Variants in LRRIQ1 observed in about 807,000 individuals in gnomAD.
LRRIQ1 encodes leucine-rich repeat- and IQ domain-containing protein 1.
LRRIQ1 carries 210 observed loss-of-function variants against 211.9 expected under a neutral mutation model. That is an observed-to-expected ratio of 0.99 (90% CI 0.89 to 1.11). The LOEUF is 1.11. Ranked by LOEUF, LRRIQ1 falls within the 50% of genes most tolerant of loss-of-function variation. The pLI, the probability that LRRIQ1 is intolerant of heterozygous loss-of-function variation, is 0.00. For synonymous variants in LRRIQ1, 699 were observed against 650.1 expected, an observed-to-expected ratio of 1.08 and a Z score of -1.14; for missense variants, 2,136 against 1,939.5, an observed-to-expected ratio of 1.10 and a Z score of -1.90.
At chr12:85,257,796 A>G (rs1427409160) in intron 1 of LRRIQ1, among the ~76,000 whole-genome samples, 1 of 151,898 alleles carries the variant, frequency 6.6e-6, no homozygotes, top group African/African-American at 2.4e-5. Flanking sequence ...CCAAGAAAAA[A>G]GTGTGAAAAC....
intron 26 of LRRIQ1, among the ~76,000 whole-genome samples, chr12:85,243,825 G>A (rs906175622): frequency 2.0e-5 from 3 of 151,400 alleles, no homozygotes; most frequent in African/African-American, 7.3e-5. Flanking sequence ...ATTTTAAAGA[G>A]GGTCATTTTT....
chr12:85,049,144 C>T (rs1257202567), intron 6 of LRRIQ1, among the ~76,000 whole-genome samples: 1 of 152,042 alleles, frequency 6.6e-6, no homozygotes, highest in Non-Finnish European at 1.5e-5. Context: ...GGTTCTAGCC[C>T]ATATTTTGTA....
intron 21 of LRRIQ1, 40 bp from the exon 22 acceptor site, chr12:85,153,623 T>G (rs1890368044): frequency 7.9e-7 from 1 of 1,268,936 alleles, no homozygotes; most frequent in African/African-American, 1.5e-5. Context: ...CTGATATACT[T>G]GTGTTGATTC....
At chr12:85,178,912 T>TA (rs5799723) in intron 24 of LRRIQ1, among the ~76,000 whole-genome samples, 44,438 of 142,876 alleles carry the variant, frequency 0.31, 6,804 homozygotes, top group African/African-American at 0.37. Context: ...TCTCTGTCTT[T>TA]AAAAAAAAAA....
At chr12:85,043,630 G>A (rs1879172141) in intron 3 of LRRIQ1, among the ~76,000 whole-genome samples, 1 of 147,060 alleles carries the variant, frequency 6.8e-6, no homozygotes, top group South Asian at 2.1e-4. Flanking sequence ...GTGATTCTTT[G>A]GGAGAAACAT....
At chr12:85,141,998 AG>A (rs1676102729) in intron 19 of LRRIQ1, among the ~76,000 whole-genome samples, 1 of 151,062 alleles carries the variant, frequency 6.6e-6, no homozygotes, top group Non-Finnish European at 1.5e-5. Flanking sequence ...CTCTAGTAGG[AG>A]TCAGTTTTTG....
At chr12:85,142,166 TAA>T (rs1313599963) in intron 19 of LRRIQ1, among the ~76,000 whole-genome samples, 28 of 151,540 alleles carry the variant, frequency 1.8e-4, no homozygotes, top group Non-Finnish European at 4.4e-5. Flanking sequence ...AAGTCAGTAT[TAA>T]GTCTTAACTT....
chr12:85,086,935 C>CATTATTATTATTATTATTATT (rs202087547), intron 11 of LRRIQ1, among the ~76,000 whole-genome samples: 47 of 149,264 alleles, frequency 3.1e-4, no homozygotes, highest in African/African-American at 1.1e-3. Context: ...GATTGTTCTT[C>CATTATTATTATTATTATTATT]ATTATTATTA....
chr12:85,130,228 C>A (rs1474245844), intron 18 of LRRIQ1, among the ~76,000 whole-genome samples: 3 of 152,104 alleles, frequency 2.0e-5, no homozygotes, highest in Admixed American at 6.6e-5. Context: ...AGTGCATAGG[C>A]AAACCTGTTT....
chr12:85,055,933 C>A lies in LRRIQ1; in HGVS notation c.1140C>A (p.Ser380Arg), dbSNP rs754722038. 48 of 1,604,256 alleles carry A rather than the reference C, an allele frequency of 3.0e-5. No individual in the cohort carries two copies. The highest frequency in any genetic ancestry group is 3.7e-5 in the Non-Finnish European group (44 of 1,176,264). ...IVKQEREQLI[S>R]KEKIILREDA... is the part of the protein sequence containing the mutation. Reference sequence around the variant, plus strand: ...AACAGGAAAGAGAGCAACTAATAAGCAAGGAAAAAATAATATTAAGAGAAG... The same window carrying A: ...AACAGGAAAGAGAGCAACTAATAAGAAAGGAAAAAATAATATTAAGAGAAG... Residue 380 changes from serine (S) to arginine (R), a missense_variant, in exon 8 of 27, where the codon AGC becomes AGA. Physicochemically the swap from Ser to Arg is moderately radical, Grantham distance 110. Coordinates refer to ENST00000393217, the MANE Select transcript of LRRIQ1 (RefSeq NM_001079910.2).
intron 24 of LRRIQ1, among the ~76,000 whole-genome samples, chr12:85,201,531 G>C (rs189125471): frequency 6.6e-6 from 1 of 151,874 alleles, no homozygotes; most frequent in Non-Finnish European, 1.5e-5. Flanking sequence ...TGAATGTGTC[G>C]AGGACTTTAT....
At chr12:85,054,078 C>G (rs1880680888) in intron 7 of LRRIQ1, among the ~76,000 whole-genome samples, 1 of 152,052 alleles carries the variant, frequency 6.6e-6, no homozygotes, top group Admixed American at 6.5e-5. Flanking sequence ...ATGCCTTTTC[C>G]TTACATTCTT....
At chr12:85,070,301 A>G (rs1565806492) in intron 10 of LRRIQ1, among the ~76,000 whole-genome samples, 1 of 151,924 alleles carries the variant, frequency 6.6e-6, no homozygotes, top group Non-Finnish European at 1.5e-5. Flanking sequence ...GCTCCATTAT[A>G]AAGCTCGCCA....
In LRRIQ1 at chr12:85,038,322, T is replaced by C. The variant is rs1204660046; in HGVS notation, c.132+14T>C. The C allele has an allele frequency of 6.8e-7, 1 of 1,468,650 alleles. No homozygotes were observed. The highest frequency in any genetic ancestry group is 9.1e-7 in the Non-Finnish European group (1 of 1,103,442). The allele number at this position is 1,468,650 out of a possible 1,614,324, so 91.0% of individuals were successfully genotyped here. ...GATAGTGATACAGTGAGTATTGCAC[T>C]TTTGAGCCTTTTAACAGGAGTAGGC... On this transcript the variant is annotated intron_variant, in intron 2 of 26. Coordinates refer to ENST00000393217, the MANE Select transcript of LRRIQ1 (RefSeq NM_001079910.2).
intron 22 of LRRIQ1, 50 bp downstream of exon 22, chr12:85,153,808 A>T: frequency 8.4e-7 from 1 of 1,187,574 alleles, no homozygotes; most frequent in Admixed American, 2.8e-5. Flanking sequence ...GAGATTGCTA[A>T]AAGTCCAAGA....
intron 24 of LRRIQ1, among the ~76,000 whole-genome samples, chr12:85,200,015 G>A (rs1893212683): frequency 6.6e-6 from 1 of 152,078 alleles, no homozygotes. Flanking sequence ...GTATATCATT[G>A]GTAGTTTGAT....
intron 11 of LRRIQ1, among the ~76,000 whole-genome samples, chr12:85,088,889 G>C (rs954301468): frequency 6.6e-6 from 1 of 152,180 alleles, no homozygotes; most frequent in African/African-American, 2.4e-5. Flanking sequence ...TCTGCAAACA[G>C]AGACAATTTG....
chr12:85,262,188 A>G (rs1174556666), intron 1 of LRRIQ1, among the ~76,000 whole-genome samples: 1 of 152,204 alleles, frequency 6.6e-6, no homozygotes, highest in Middle Eastern at 3.4e-3. Flanking sequence ...ATTGTTTTTA[A>G]CCTCTCAAAG....
In LRRIQ1 at chr12:85,055,803, A is replaced by G. The variant is rs372081406; in HGVS notation, c.1010A>G (p.Lys337Arg). 2 of 1,598,742 alleles carry G rather than the reference A, an allele frequency of 1.3e-6. No individual in the cohort carries two copies. Among genetic ancestry groups the G allele is most frequent in the African/African-American group, 2.7e-5 (2 of 74,594 alleles). Reference protein sequence around the residue: ...KIRQKEEENRKRLEEEQRIKE... With the variant: ...KIRQKEEENRRRLEEEQRIKE... ...CGACAAAAGGAGGAAGAAAATCGAA[A>G]AAGATTAGAGGAGGAACAAAGGATA... Residue 337 changes from lysine to arginine, a missense_variant, in exon 8 of 27, where the codon AAA becomes AGA. Physicochemically the swap from Lys to Arg is conservative, Grantham distance 26. Coordinates refer to ENST00000393217, the MANE Select transcript of LRRIQ1 (RefSeq NM_001079910.2).
Sources: allele counts gnomAD v4.1 joint callset (sites outside exome capture counted in the v4.1 genomes callset), GRCh38; gene constraint gnomAD v4.1.1; transcripts MANE v1.5; gene names NCBI Gene and HGNC (gene_info 2026-07-23, HGNC 2026-07-21).